Variants in XPO6 observed in about 807,000 individuals in gnomAD.
XPO6 encodes exportin 6.
In XPO6, 3 loss-of-function variants were observed where a neutral mutation model predicts 130.0. The ratio of observed to expected loss-of-function variants is 0.02; its 90% CI spans 0.01 to 0.06. The LOEUF is 0.06. Ranked by LOEUF, XPO6 falls within the 10% of genes least tolerant of loss-of-function variation. XPO6 has a pLI of 1.00. For missense variants in XPO6, 970 were observed against 1,393.0 expected, an observed-to-expected ratio of 0.70 and a Z score of 4.83; for synonymous variants, 524 against 548.9, an observed-to-expected ratio of 0.95 and a Z score of 0.63.
At chr16:28,183,779 A>G (rs1375587648) in intron 1 of XPO6, among the ~76,000 whole-genome samples, 1 of 152,202 alleles carries the variant, frequency 6.6e-6, no homozygotes, top group Non-Finnish European at 1.5e-5. Flanking sequence ...CTAGAGACTC[A>G]TGCCCTCAGG....
intron 8 of XPO6, among the ~76,000 whole-genome samples, chr16:28,150,341 CAATATATAAATAT>C (rs1173720217): frequency 6.6e-6 from 1 of 151,902 alleles, no homozygotes; most frequent in African/African-American, 2.4e-5. Context: ...ATTACTTTCC[CAATATATAAATAT>C]AATATATAAA....
At chr16:28,170,085 C>A (rs59466393) in intron 4 of XPO6, among the ~76,000 whole-genome samples, 176 bp from the exon 5 acceptor site, 9,687 of 152,156 alleles carry the variant, frequency 0.064, 517 homozygotes, top group East Asian at 0.31. Flanking sequence ...GTAATCCCAG[C>A]ACTTTGGGTG....
intron 1 of XPO6, among the ~76,000 whole-genome samples, chr16:28,191,951 T>C (rs8044005): frequency 0.022 from 3,332 of 152,314 alleles, 106 homozygotes; most frequent in African/African-American, 0.076. Flanking sequence ...CCAGGTAGAC[T>C]TGGCATTTTA....
At chr16:28,171,452 C>CAAAAAA (rs36000498) in intron 4 of XPO6, among the ~76,000 whole-genome samples, 18 of 99,024 alleles carry the variant, frequency 1.8e-4, no homozygotes, top group African/African-American at 6.9e-4. Context: ...GACTCTGTCT[C>CAAAAAA]AAAAAAAAAA....
chr16:28,163,838 G>GGGGTT (rs1421198138), intron 6 of XPO6, among the ~76,000 whole-genome samples: 3 of 152,184 alleles, frequency 2.0e-5, no homozygotes, highest in African/African-American at 4.8e-5. Flanking sequence ...GGTTCTGGTA[G>GGGGTT]GGGTTCATGT....
At chr16:28,166,964 TG>T (rs2043366857) in intron 5 of XPO6, 1 of 621,510 alleles carries the variant, frequency 1.6e-6, no homozygotes, top group Non-Finnish European at 2.0e-6. Flanking sequence ...GGCTTTTCTC[TG>T]GTTTCTTTGA....
At chr16:28,161,352 C>T (rs1485983368) in intron 6 of XPO6, among the ~76,000 whole-genome samples, 1 of 152,140 alleles carries the variant, frequency 6.6e-6, no homozygotes, top group Non-Finnish European at 1.5e-5. Flanking sequence ...TATGCTAACG[C>T]TGGAAGAACA....
chr16:28,124,219 G>A (rs1241616647), intron 13 of XPO6, among the ~76,000 whole-genome samples: 3 of 151,982 alleles, frequency 2.0e-5, no homozygotes, highest in African/African-American at 7.3e-5. Flanking sequence ...CCCCACGCCC[G>A]GCTAATTTTT....
At chr16:28,207,798 A>C (rs1254348725) in intron 1 of XPO6, among the ~76,000 whole-genome samples, 2 of 152,216 alleles carry the variant, frequency 1.3e-5, no homozygotes, top group Non-Finnish European at 2.9e-5. Context: ...TGGCAGGAAC[A>C]GCCATAGTGG....
intron 14 of XPO6, 125 bp downstream of exon 14, chr16:28,121,545 T>G: frequency 1.3e-6 from 1 of 764,636 alleles, no homozygotes; most frequent in Non-Finnish European, 2.3e-6. Flanking sequence ...TTTCTAGGTT[T>G]GCAGTTTAAG....
chr16:28,192,681 TA>T (rs2043805645), intron 1 of XPO6, among the ~76,000 whole-genome samples: 1 of 151,948 alleles, frequency 6.6e-6, no homozygotes, highest in South Asian at 2.1e-4. Context: ...ACCAATCAGA[TA>T]AATCACTCCT....
rs1416889657 is a variant in XPO6, at chr16:28,121,721, T to C, written c.1808A>G (p.Tyr603Cys). The C allele has an allele frequency of 6.2e-7, 1 of 1,613,966 alleles. No individual in the cohort carries two copies. The highest frequency in any genetic ancestry group is 8.5e-7 in the Non-Finnish European group (1 of 1,179,974). ...VTLYGSQIKLYNIETAVPSVL... is the reference protein window; with the variant it reads ...VTLYGSQIKLCNIETAVPSVL... ...TGATGGCACAGCAGTTTCAATGTTGTACAATTTTATCTGAGATCCGTACAG... is the reference window on the plus strand; with the variant it reads ...TGATGGCACAGCAGTTTCAATGTTGCACAATTTTATCTGAGATCCGTACAG... Residue 603 changes from tyrosine (Y) to cysteine (C), a missense_variant, in exon 14 of 24, where the codon TAC becomes TGC. Transcript: ENST00000304658.
chr16:28,171,580 T>C (rs998507163), intron 4 of XPO6, among the ~76,000 whole-genome samples: 10 of 151,868 alleles, frequency 6.6e-5, no homozygotes, highest in African/African-American at 2.4e-4. Context: ...TACTCAATAA[T>C]GGGAACTTAA....
At chr16:28,193,398 G>A (rs569779184) in intron 1 of XPO6, among the ~76,000 whole-genome samples, 78 of 152,224 alleles carry the variant, frequency 5.1e-4, no homozygotes, top group African/African-American at 1.8e-3. Context: ...TCCCATCCCC[G>A]CAGATCATTA....
rs529534146 is a variant in XPO6, at chr16:28,176,240, A to C, written c.208-145T>G. On this transcript the variant is annotated intron_variant, in intron 3 of 23. Coordinates refer to ENST00000304658, the MANE Select transcript of XPO6 (RefSeq NM_015171.4). ...GGGGCAATATGGCAATAAGAATAATAAAAGTATTCAAATCTTAGGACACAA... is the reference window on the plus strand; with the variant it reads ...GGGGCAATATGGCAATAAGAATAATCAAAGTATTCAAATCTTAGGACACAA... The C allele has an allele frequency of 2.7e-5, 19 of 708,968 alleles. No homozygotes were observed. The African/African-American group carries it at 3.4e-4, about 13-fold the overall frequency. The allele number at this position is 708,968 out of a possible 1,614,324, so 43.9% of individuals were successfully genotyped here.
chr16:28,121,404 T>C (rs2087233666), intron 14 of XPO6, among the ~76,000 whole-genome samples: 1 of 152,226 alleles, frequency 6.6e-6, no homozygotes, highest in Admixed American at 6.5e-5. Flanking sequence ...TGTGTGACTG[T>C]CTCAGCCTGT....
At chr16:28,176,214 TG>T (rs1427362356) in intron 3 of XPO6, 119 bp from the exon 4 acceptor site, 2 of 840,892 alleles carry the variant, frequency 2.4e-6, no homozygotes, top group Admixed American at 5.3e-5. Flanking sequence ...AATAAAGGTT[TG>T]GGGCAATATG....
chr16:28,209,108 A>G (rs2044082199), intron 1 of XPO6: 1 of 152,220 alleles, frequency 6.6e-6, no homozygotes, highest in African/African-American at 2.4e-5. Flanking sequence ...TCATGACTCC[A>G]CTTACATGAG....
chr16:28,198,094 C>T (rs2043897759), intron 1 of XPO6, among the ~76,000 whole-genome samples: 1 of 150,708 alleles, frequency 6.6e-6, no homozygotes, highest in South Asian at 2.1e-4. Flanking sequence ...TTTACCATGG[C>T]AAAAAACAGA....
Sources: gnomAD v4.1 joint callset for allele counts (sites outside exome capture counted in the v4.1 genomes callset) on GRCh38, gnomAD v4.1.1 for gene constraint, MANE v1.5 for transcripts, NCBI Gene and HGNC (gene_info 2026-07-23, HGNC 2026-07-21) for gene names.